Variants in CHD9 observed in about 807,000 individuals in gnomAD.
CHD9 encodes ATP-dependent chromatin remodeler CHD9.
In CHD9, 77 loss-of-function variants were observed where a neutral mutation model predicts 316.1. The observed-to-expected ratio is 0.24, with a 90% CI of 0.20 to 0.29. CHD9 has a LOEUF of 0.29. Among genes scored for constraint, CHD9 ranks in the 10% least tolerant of loss-of-function variants. The pLI, the probability that CHD9 is intolerant of heterozygous loss-of-function variation, is 1.00. For missense variants in CHD9, 2,763 were observed against 3,438.1 expected (o/e 0.80, Z 4.91); for synonymous variants, 1,129 against 1,158.3 (o/e 0.97, Z 0.51).
chr16:53,058,238 A>G (rs1374943051), intron 1 of CHD9, among the ~76,000 whole-genome samples: 1 of 152,122 alleles, frequency 6.6e-6, no homozygotes, highest in Admixed American at 6.5e-5. Context: ...CTCCTGCCTC[A>G]GCCTCCCATG....
At chr16:53,130,086 GA>G (rs925460750) in intron 1 of CHD9, among the ~76,000 whole-genome samples, 33 of 152,302 alleles carry the variant, frequency 2.2e-4, no homozygotes, top group Non-Finnish European at 4.0e-4. Context: ...GTGCAATGGA[GA>G]ACGGGAGCCT....
chr16:53,300,393 C>CT (rs1361738375), intron 30 of CHD9, among the ~76,000 whole-genome samples: 1 of 151,274 alleles, frequency 6.6e-6, no homozygotes, highest in Non-Finnish European at 1.5e-5. Context: ...TTATTGCCAT[C>CT]CTGCTTCCAA....
chr16:53,253,790 A>G (rs1292749577), intron 17 of CHD9, among the ~76,000 whole-genome samples: 1 of 152,142 alleles, frequency 6.6e-6, no homozygotes, highest in African/African-American at 2.4e-5. Context: ...CATGTCTAAA[A>G]AAAACAACAA....
intron 22 of CHD9, among the ~76,000 whole-genome samples, chr16:53,271,764 A>C (rs1236690013): frequency 6.6e-6 from 1 of 152,136 alleles, no homozygotes; most frequent in Non-Finnish European, 1.5e-5. Context: ...AATTATAACA[A>C]TATATAATGA....
At chr16:53,170,053 T>TG (rs1190683667) in intron 2 of CHD9, among the ~76,000 whole-genome samples, 14 of 150,018 alleles carry the variant, frequency 9.3e-5, no homozygotes, top group African/African-American at 3.5e-4. Flanking sequence ...TTTTTTGTTT[T>TG]TTTTTGTTTG....
At chr16:53,290,940 A>G (rs574187535) in intron 27 of CHD9, among the ~76,000 whole-genome samples, 3 of 152,336 alleles carry the variant, frequency 2.0e-5, no homozygotes, top group African/African-American at 7.2e-5. Context: ...GAGACTAGAG[A>G]CAATAAGAAA....
rs528190181 is a variant in CHD9, at chr16:53,056,313, T to C, written c.-165+1236T>C. Among the ~76,000 whole-genome samples the C allele has an allele frequency of 5.9e-5, 9 of 152,322 alleles. No homozygotes were observed. In the East Asian group the frequency reaches 1.7e-3, roughly 29 times the overall value. On this transcript the variant is annotated intron_variant, in intron 1 of 38. Coordinates refer to ENST00000447540, the MANE Select transcript of CHD9 (RefSeq NM_001308319.2). Reference sequence around the variant, plus strand: ...CATCCTCAGCTTCAGTTTTTGTATCTGCAAAATGGGTGTGAAAATCGGGTT... The same window carrying C: ...CATCCTCAGCTTCAGTTTTTGTATCCGCAAAATGGGTGTGAAAATCGGGTT...
intron 1 of CHD9, among the ~76,000 whole-genome samples, chr16:53,083,714 T>G (rs2152539421): frequency 6.6e-6 from 1 of 152,150 alleles, no homozygotes; most frequent in South Asian, 2.1e-4. Context: ...AACTTTTTTT[T>G]GAAAATAAAA....
intron 20 of CHD9, among the ~76,000 whole-genome samples, chr16:53,265,909 A>G (rs1360005059): frequency 6.6e-6 from 1 of 152,050 alleles, no homozygotes; most frequent in Non-Finnish European, 1.5e-5. Context: ...TCAAAATTGT[A>G]TCAAATCTCA....
rs2051314759 is a variant in CHD9, at chr16:53,263,222, A to AGGGT, written c.4320+126_4320+129dup. ...AATTTCTAGATATATAAATTGAAGT[A>AGGGT]GGGTAGCAGAATGAACTGAGTGAGG... On this transcript the variant is annotated intron_variant, in intron 20 of 38. Coordinates refer to ENST00000447540, the MANE Select transcript of CHD9 (RefSeq NM_001308319.2). 12 of 620,928 alleles carry AGGGT rather than the reference A, an allele frequency of 1.9e-5. No individual in the cohort carries two copies. The South Asian group carries it at 2.3e-4, about 12-fold the overall frequency. The allele number at this position is 620,928 out of a possible 1,614,324, so 38.5% of individuals were successfully genotyped here.
chr16:53,277,159 G>A (rs956078976), intron 24 of CHD9, among the ~76,000 whole-genome samples: 2 of 152,146 alleles, frequency 1.3e-5, no homozygotes, highest in African/African-American at 4.8e-5. Flanking sequence ...TGGATTAACA[G>A]CTGAATTCTA....
chr16:53,314,292 C>T, intron 34 of CHD9, 85 bp from the exon 35 acceptor site: 1 of 952,176 alleles, frequency 1.1e-6, no homozygotes, highest in Non-Finnish European at 1.5e-6. Context: ...AGAACTAACA[C>T]TTTCATATAT....
intron 16 of CHD9, among the ~76,000 whole-genome samples, chr16:53,249,632 A>G (rs1401858073): frequency 6.6e-6 from 1 of 152,158 alleles, no homozygotes; most frequent in East Asian, 1.9e-4. Context: ...AATTTATTGT[A>G]GTGTTCTTTT....
At chr16:53,272,378 A>G (rs1196826345) in intron 22 of CHD9, among the ~76,000 whole-genome samples, 1 of 152,090 alleles carries the variant, frequency 6.6e-6, no homozygotes, top group Non-Finnish European at 1.5e-5. Flanking sequence ...TGCCAAAATT[A>G]TAAGGAAAAA....
At chr16:53,306,477 T>C in intron 32 of CHD9, 80 bp downstream of exon 32, 1 of 1,196,452 alleles carries the variant, frequency 8.4e-7, no homozygotes, top group Non-Finnish European at 1.1e-6. Flanking sequence ...ATTCTTACTA[T>C]GTGGAAACAT....
intron 16 of CHD9, among the ~76,000 whole-genome samples, chr16:53,248,924 T>C (rs1274841582): frequency 6.6e-6 from 1 of 152,220 alleles, no homozygotes; most frequent in East Asian, 1.9e-4. Context: ...TTTTCATTTT[T>C]ATTTCTAGTT....
At chr16:53,171,851 C>G (rs1032656340) in intron 2 of CHD9, among the ~76,000 whole-genome samples, 18 of 73,424 alleles carry the variant, frequency 2.5e-4, no homozygotes, top group Admixed American at 1.9e-3. Flanking sequence ...CACACACACA[C>G]ACACACACAG....
chr16:53,058,313 G>C (rs1391095095), intron 1 of CHD9, among the ~76,000 whole-genome samples: 1 of 152,074 alleles, frequency 6.6e-6, no homozygotes, highest in South Asian at 2.1e-4. Flanking sequence ...TAGAGACGAG[G>C]TTTCACCATG....
Position 53,285,640 on chromosome 16 carries a change from C to A in CHD9, c.5012C>A (p.Pro1671His). The A allele has an allele frequency of 6.2e-7, 1 of 1,607,656 alleles. No individual in the cohort carries two copies. Among genetic ancestry groups the A allele is most frequent in the Admixed American group, 1.7e-5 (1 of 59,054 alleles). Residue 1671 changes from proline (P) to histidine (H), a missense_variant, in exon 25 of 39, where the codon CCT becomes CAT. Coordinates refer to ENST00000447540, the MANE Select transcript of CHD9 (RefSeq NM_001308319.2). Reference sequence around the variant, plus strand: ...CCAGAACCAGACCACTCAGAAGTTCCTGCTGAGTGGTGGGATTTTGATGCT... The same window carrying A: ...CCAGAACCAGACCACTCAGAAGTTCATGCTGAGTGGTGGGATTTTGATGCT... ...WVPEPDHSEV[P>H]AEWWDFDADK...
Sources: allele counts gnomAD v4.1 joint callset (sites outside exome capture counted in the v4.1 genomes callset), GRCh38; gene constraint gnomAD v4.1.1; transcripts MANE v1.5; gene names NCBI Gene and HGNC (gene_info 2026-07-23, HGNC 2026-07-21).